Variants in RNF130 observed in about 807,000 individuals in gnomAD.
RNF130 encodes the protein ring finger protein 130.
In RNF130, 21 loss-of-function variants were observed where a neutral mutation model predicts 44.6. The observed-to-expected ratio is 0.47, with a 90% CI of 0.33 to 0.68. The LOEUF (loss-of-function observed/expected upper bound fraction) is 0.68. RNF130 is among the 30% of genes least tolerant of loss of function. The pLI, the probability that RNF130 is intolerant of heterozygous loss-of-function variation, is 0.02. For missense variants in RNF130, 479 were observed against 560.6 expected, an observed-to-expected ratio of 0.85 and a Z score of 1.47; for synonymous variants, 214 against 210.4, an observed-to-expected ratio of 1.02 and a Z score of -0.15.
chr5:180,007,602 T>C (rs1384731442), intron 3 of RNF130, among the ~76,000 whole-genome samples: 3 of 152,122 alleles, frequency 2.0e-5, no homozygotes, highest in Non-Finnish European at 2.9e-5. Context: ...TTTGTCAACC[T>C]TGGGGAAAAC....
chr5:180,035,216 G>C (rs923154307), intron 2 of RNF130, among the ~76,000 whole-genome samples: 3 of 152,028 alleles, frequency 2.0e-5, no homozygotes, highest in Non-Finnish European at 4.4e-5. Context: ...CTACAAATTC[G>C]GATGTGTTTT....
intron 3 of RNF130, among the ~76,000 whole-genome samples, chr5:179,996,715 A>G (rs974731826): frequency 1.3e-5 from 2 of 152,174 alleles, no homozygotes; most frequent in Admixed American, 1.3e-4. Flanking sequence ...TCAGTTTGCT[A>G]GTATTTCGTT....
chr5:180,052,861 C>T (rs1764719194), intron 1 of RNF130, among the ~76,000 whole-genome samples: 1 of 152,108 alleles, frequency 6.6e-6, no homozygotes. Context: ...CTGAGACGTC[C>T]ATAAACCAAT....
exon 8 of RNF130, chr5:179,913,931 A>G (rs1761504497): frequency 6.6e-6 from 1 of 152,248 alleles, no homozygotes; most frequent in Non-Finnish European, 1.5e-5. Flanking sequence ...TGCCTCGGAC[A>G]GTAAGGAAAG....
chr5:179,998,750 G>A (rs58007232), intron 3 of RNF130, among the ~76,000 whole-genome samples: 1,831 of 150,888 alleles, frequency 0.012, 42 homozygotes, highest in African/African-American at 0.042. Context: ...TAAACCCAAT[G>A]TTTCTTTATT....
At chr5:180,056,630 A>G (rs1193494585) in intron 1 of RNF130, among the ~76,000 whole-genome samples, 1 of 152,168 alleles carries the variant, frequency 6.6e-6, no homozygotes, top group Non-Finnish European at 1.5e-5. Context: ...TTGAAAGAAG[A>G]CTCAGAGAAA....
rs377144297 is a variant in RNF130 at position 180,015,013 on chromosome 5, G to T, written c.443-1702C>A. Among the ~76,000 whole-genome samples, 7 of 152,202 alleles carry T rather than the reference G, an allele frequency of 4.6e-5. No homozygotes were observed. The East Asian group carries it at 7.7e-4, about 17-fold the overall frequency. On this transcript the variant is annotated intron_variant, in intron 2 of 8. Coordinates refer to ENST00000521389, the MANE Select transcript of RNF130 (RefSeq NM_018434.6). ...AAGAAGAGAAATACAACAGTAAAAG[G>T]AGTTTTATGGAAAATGTAACCCAAT...
At chr5:180,053,527 C>G (rs1407096071) in intron 1 of RNF130, among the ~76,000 whole-genome samples, 1 of 152,136 alleles carries the variant, frequency 6.6e-6, no homozygotes, top group East Asian at 1.9e-4. Context: ...GATGATGGTA[C>G]AGGCTTACAC....
intron 1 of RNF130, among the ~76,000 whole-genome samples, chr5:180,051,226 TG>T (rs1265589833): frequency 1.4e-5 from 2 of 144,990 alleles, no homozygotes; most frequent in African/African-American, 5.2e-5. Flanking sequence ...ATCACCTTTT[TG>T]TATAGATATT....
intron 2 of RNF130, among the ~76,000 whole-genome samples, chr5:180,030,709 C>T (rs1002755381): frequency 1.3e-5 from 2 of 152,170 alleles, no homozygotes; most frequent in Non-Finnish European, 2.9e-5. Flanking sequence ...ATGCCCAGCT[C>T]TACCCTACAC....
intron 8 of RNF130, among the ~76,000 whole-genome samples, chr5:179,958,122 C>T (rs540779080): frequency 6.6e-6 from 1 of 152,228 alleles, no homozygotes; most frequent in African/African-American, 2.4e-5. Context: ...CGTGATCCGC[C>T]CGCCTCGGTC....
chr5:180,016,424 T>A (rs893594569), intron 2 of RNF130, among the ~76,000 whole-genome samples: 11 of 152,172 alleles, frequency 7.2e-5, no homozygotes, highest in Non-Finnish European at 1.5e-4. Context: ...ATAATTAGAC[T>A]GTAACGCTGT....
In RNF130 at chr5:179,921,913, C is replaced by A. The variant is rs572247071; in HGVS notation, c.1151-1487G>T. On this transcript the variant is annotated intron_variant, in intron 7 of 7. Coordinates refer to the RNF130 transcript ENST00000522208. Reference sequence around the variant, plus strand: ...GGCAGGTGCCTGTAATCCAGCTACTCGGGAGGCTGAGGCAGGAGAATCACT... The same window carrying A: ...GGCAGGTGCCTGTAATCCAGCTACTAGGGAGGCTGAGGCAGGAGAATCACT... 2.8e-5 allele frequency among the ~76,000 whole-genome samples: 4 copies of A among 144,934 alleles called. No homozygotes were observed. In the East Asian group the frequency reaches 6.1e-4, roughly 22 times the overall value.
At chr5:180,033,618 C>T (rs1764182988) in intron 2 of RNF130, among the ~76,000 whole-genome samples, 1 of 151,792 alleles carries the variant, frequency 6.6e-6, no homozygotes, top group Non-Finnish European at 1.5e-5. Flanking sequence ...TTCACTTGAA[C>T]CCAGGAGGCA....
chr5:180,011,756 C>A (rs1191705603), intron 3 of RNF130, among the ~76,000 whole-genome samples: 1 of 150,890 alleles, frequency 6.6e-6, no homozygotes, highest in Non-Finnish European at 1.5e-5. Context: ...CAGGGCAAGA[C>A]CCTGTCTCTT....
At chr5:179,992,993 C>T (rs1418472967) in intron 3 of RNF130, among the ~76,000 whole-genome samples, 3 of 152,142 alleles carry the variant, frequency 2.0e-5, no homozygotes, top group Non-Finnish European at 2.9e-5. Flanking sequence ...TCTGTCCTTG[C>T]AATAGTTTGC....
At chr5:180,036,590 G>A (rs1764255102) in intron 2 of RNF130, among the ~76,000 whole-genome samples, 1 of 152,142 alleles carries the variant, frequency 6.6e-6, no homozygotes, top group Admixed American at 6.5e-5. Flanking sequence ...TCAGATTATT[G>A]TCCCTTCATT....
intron 1 of RNF130, among the ~76,000 whole-genome samples, chr5:180,045,517 C>T (rs1383390290): frequency 2.0e-5 from 3 of 152,328 alleles, no homozygotes; most frequent in East Asian, 3.9e-4. Context: ...TCCCACAGCG[C>T]GGAAGTGGAC....
intron 1 of RNF130, among the ~76,000 whole-genome samples, chr5:180,050,650 T>G (rs117527564): frequency 6.6e-6 from 1 of 152,350 alleles, no homozygotes; most frequent in East Asian, 1.9e-4. Flanking sequence ...TCTACATCCT[T>G]CAGAAGTTCT....
Sources: allele counts gnomAD v4.1 joint callset (sites outside exome capture counted in the v4.1 genomes callset), GRCh38; gene constraint gnomAD v4.1.1; transcripts MANE v1.5; gene names NCBI Gene and HGNC (gene_info 2026-07-23, HGNC 2026-07-21).